The following AEBP2 variants were observed in gnomAD, a reference collection of about 807,000 sequenced individuals.
The protein encoded by AEBP2 is AE binding protein 2.
In AEBP2, 10 loss-of-function variants were observed where a neutral mutation model predicts 50.8. The observed-to-expected ratio is 0.20, with a 90% CI of 0.12 to 0.33. The LOEUF (loss-of-function observed/expected upper bound fraction) is 0.33. Among genes scored for constraint, AEBP2 ranks in the 10% least tolerant of loss-of-function variants. The probability of loss-of-function intolerance (pLI) is 1.00; values close to 1 mark genes in which losing one functional copy is unlikely to be tolerated. For missense variants in AEBP2, 570 were observed against 688.0 expected (o/e 0.83, Z 1.92); for synonymous variants, 296 against 261.3 (o/e 1.13, Z -1.28).
chr12:19,516,843 A>G (rs928078453), intron 7 of AEBP2, among the ~76,000 whole-genome samples: 3 of 152,170 alleles, frequency 2.0e-5, no homozygotes, highest in South Asian at 4.1e-4. Flanking sequence ...CCTGGCCAAC[A>G]TGATGAAACC....
intron 1 of AEBP2, among the ~76,000 whole-genome samples, chr12:19,455,955 T>C (rs202179059): frequency 1.4e-3 from 209 of 151,876 alleles, no homozygotes; most frequent in African/African-American, 4.6e-3. Context: ...TTTTTTTTTT[T>C]CCTCATTAAA....
At chr12:19,422,440 AT>A (rs1565696792) in intron 1 of AEBP2, among the ~76,000 whole-genome samples, 1 of 152,012 alleles carries the variant, frequency 6.6e-6, no homozygotes, top group Non-Finnish European at 1.5e-5. Context: ...CATTTCAAGG[AT>A]TTTTTAAAAA....
intron 4 of AEBP2, 58 bp downstream of exon 4, chr12:19,494,044 C>T: frequency 6.7e-7 from 1 of 1,486,552 alleles, no homozygotes; most frequent in Non-Finnish European, 9.0e-7. Flanking sequence ...ATATCTTAGA[C>T]TTTTATGCAA....
At chr12:19,486,172 A>G (rs112110604) in intron 3 of AEBP2, among the ~76,000 whole-genome samples, 1 of 151,950 alleles carries the variant, frequency 6.6e-6, no homozygotes, top group African/African-American at 2.4e-5. Context: ...ACTATATTCT[A>G]ATTTCTTTCA....
At chr12:19,409,543 A>G (rs767622027) in intron 1 of AEBP2, among the ~76,000 whole-genome samples, 2 of 152,328 alleles carry the variant, frequency 1.3e-5, no homozygotes, top group Non-Finnish European at 2.9e-5. Flanking sequence ...TTTGTTCAGC[A>G]AGGGAAGAGC....
intron 2 of AEBP2, among the ~76,000 whole-genome samples, chr12:19,463,618 C>T (rs1229840122): frequency 6.6e-6 from 1 of 150,474 alleles, no homozygotes; most frequent in South Asian, 2.1e-4. Flanking sequence ...TTTTAAACAT[C>T]CAACCGGGTC....
intron 1 of AEBP2, among the ~76,000 whole-genome samples, chr12:19,424,358 A>G (rs1266101615): frequency 6.6e-6 from 1 of 152,136 alleles, no homozygotes; most frequent in Non-Finnish European, 1.5e-5. Context: ...TGGGATCAAG[A>G]TGCAAAGTAA....
intron 2 of AEBP2, among the ~76,000 whole-genome samples, chr12:19,472,051 G>T (rs1948581553): frequency 6.6e-6 from 1 of 152,094 alleles, no homozygotes; most frequent in Admixed American, 6.5e-5. Context: ...AAACAGTCTT[G>T]TCAAATGGCA....
chr12:19,487,299 C>A (rs1948823268), intron 3 of AEBP2, among the ~76,000 whole-genome samples: 1 of 151,882 alleles, frequency 6.6e-6, no homozygotes, highest in Non-Finnish European at 1.5e-5. Context: ...TTTTTAAGTA[C>A]ATAATTTATA....
At chr12:19,509,820 C>CTTTTT (rs57103167) in intron 5 of AEBP2, among the ~76,000 whole-genome samples, 2 of 68,746 alleles carry the variant, frequency 2.9e-5, no homozygotes, top group African/African-American at 5.8e-5. Context: ...TGGCTACTTT[C>CTTTTT]TTTTTTTTTT....
intron 1 of AEBP2, among the ~76,000 whole-genome samples, chr12:19,460,886 T>C (rs7973261): frequency 0.52 from 79,202 of 151,180 alleles, 22,019 homozygotes; most frequent in Non-Finnish European, 0.64. Flanking sequence ...GATCTCCTGA[T>C]CTTGTGATCT....
intron 3 of AEBP2, among the ~76,000 whole-genome samples, chr12:19,475,126 A>C (rs1948628292): frequency 6.6e-6 from 1 of 152,184 alleles, no homozygotes; most frequent in African/African-American, 2.4e-5. Flanking sequence ...GTTACATTGG[A>C]TAAATTCCTT....
intron 3 of AEBP2, among the ~76,000 whole-genome samples, chr12:19,479,719 T>TG (rs1948699029): frequency 2.9e-5 from 2 of 68,020 alleles, no homozygotes; most frequent in African/African-American, 1.2e-4. Flanking sequence ...CTTTGTGGGT[T>TG]TTTTTTTTTT....
chr12:19,481,221 C>T (rs1473458748), intron 3 of AEBP2, among the ~76,000 whole-genome samples: 1 of 150,708 alleles, frequency 6.6e-6, no homozygotes, highest in Non-Finnish European at 1.5e-5. Flanking sequence ...TTGCCTCATC[C>T]TCCCGAGTAA....
intron 1 of AEBP2, among the ~76,000 whole-genome samples, chr12:19,458,315 A>G (rs1483930461): frequency 6.6e-6 from 1 of 152,182 alleles, no homozygotes; most frequent in South Asian, 2.1e-4. Flanking sequence ...AGGATTGGAT[A>G]CTTCCTAGAA....
At chr12:19,456,246 C>T in intron 1 of AEBP2, 2 of 1,518,770 alleles carry the variant, frequency 1.3e-6, no homozygotes, top group South Asian at 2.2e-5. Flanking sequence ...GGATAATATT[C>T]ATTTAGCCTT....
At chr12:19,500,063 C>G (rs1217476351) in intron 4 of AEBP2, 34 bp from the exon 5 acceptor site, 1 of 1,559,146 alleles carries the variant, frequency 6.4e-7, no homozygotes, top group South Asian at 1.2e-5. Flanking sequence ...TTATGTTTTT[C>G]TAAATATTCT....
chr12:19,462,168 T>G (rs749434601), intron 1 of AEBP2, among the ~76,000 whole-genome samples: 1 of 152,162 alleles, frequency 6.6e-6, no homozygotes, highest in Non-Finnish European at 1.5e-5. Flanking sequence ...TTCTTATGCT[T>G]CTTTGAACTG....
intron 1 of AEBP2, among the ~76,000 whole-genome samples, chr12:19,459,333 G>GCCATTCTCCTGCCTT (rs1948329608): frequency 6.6e-6 from 1 of 151,914 alleles, no homozygotes; most frequent in Non-Finnish European, 1.5e-5. Flanking sequence ...CTGGGTTCAT[G>GCCATTCTCCTGCCTT]CCATTCTCCT....
Sources: gnomAD v4.1 joint callset for allele counts (sites outside exome capture counted in the v4.1 genomes callset) on GRCh38, gnomAD v4.1.1 for gene constraint, MANE v1.5 for transcripts, NCBI Gene and HGNC (gene_info 2026-07-23, HGNC 2026-07-21) for gene names.